TTC7B: variants seen among roughly 807,000 people sequenced by gnomAD.
TTC7B encodes tetratricopeptide repeat protein 7B.
In TTC7B, 28 loss-of-function variants were observed where a neutral mutation model predicts 106.8. The ratio of observed to expected loss-of-function variants is 0.26; its 90% CI spans 0.19 to 0.36. The LOEUF (loss-of-function observed/expected upper bound fraction) is 0.36. Among genes scored for constraint, TTC7B ranks in the 10% least tolerant of loss-of-function variants. The probability of loss-of-function intolerance (pLI) is 1.00; values close to 1 mark genes in which losing one functional copy is unlikely to be tolerated. For synonymous variants in TTC7B, 405 were observed against 430.6 expected (o/e 0.94, Z 0.74); for missense variants, 862 against 1,076.4 (o/e 0.80, Z 2.79).
intron 15 of TTC7B, among the ~76,000 whole-genome samples, chr14:90,625,042 G>C (rs73326838): frequency 6.9e-4 from 105 of 152,318 alleles, no homozygotes; most frequent in African/African-American, 2.4e-3. Flanking sequence ...GGGGGAGCTG[G>C]AGTGAGGCTG....
chr14:90,736,150 C>CTATATATATA (rs36062485), intron 4 of TTC7B, among the ~76,000 whole-genome samples: 18 of 146,620 alleles, frequency 1.2e-4, no homozygotes, highest in African/African-American at 4.5e-4. Context: ...TAATTTAGAG[C>CTATATATATA]TATATATATA....
chr14:90,666,639 A>G (rs926476854), intron 9 of TTC7B, among the ~76,000 whole-genome samples: 1 of 152,234 alleles, frequency 6.6e-6, no homozygotes, highest in African/African-American at 2.4e-5. Flanking sequence ...AGCTTGCTCA[A>G]GTTTTCTCTC....
intron 17 of TTC7B, among the ~76,000 whole-genome samples, chr14:90,601,624 CA>C (rs1247915298): frequency 6.6e-6 from 1 of 151,974 alleles, no homozygotes; most frequent in South Asian, 2.1e-4. Context: ...GATTTTTCTC[CA>C]AAAAAACAAC....
intron 19 of TTC7B, among the ~76,000 whole-genome samples, chr14:90,546,474 G>A (rs1889834728): frequency 3.9e-5 from 6 of 152,228 alleles, no homozygotes; most frequent in Admixed American, 1.3e-4. Context: ...GTCAGCCAAC[G>A]TGTTTCTGCA....
At chr14:90,631,687 T>C (rs771658205) in intron 15 of TTC7B, among the ~76,000 whole-genome samples, 1 of 152,220 alleles carries the variant, frequency 6.6e-6, no homozygotes, top group African/African-American at 2.4e-5. Flanking sequence ...ATTACAGGCA[T>C]GAGCCACCCT....
intron 7 of TTC7B, among the ~76,000 whole-genome samples, chr14:90,687,241 G>A (rs887464467): frequency 1.3e-5 from 2 of 152,152 alleles, no homozygotes; most frequent in Non-Finnish European, 2.9e-5. Flanking sequence ...AGCTGATCAC[G>A]TGTATCCATG....
intron 15 of TTC7B, among the ~76,000 whole-genome samples, chr14:90,633,084 C>T (rs1884770820): frequency 6.6e-6 from 1 of 152,174 alleles, no homozygotes; most frequent in Non-Finnish European, 1.5e-5. Context: ...GACCTCTGTG[C>T]CTCCAATCAG....
At chr14:90,593,337 T>C (rs1566787882) in intron 18 of TTC7B, 149 bp downstream of exon 18, 2 of 1,184,490 alleles carry the variant, frequency 1.7e-6, no homozygotes, top group Non-Finnish European at 2.2e-6. Context: ...AGTAACATTT[T>C]GGTGCATGGC....
At chr14:90,682,216 A>G (rs1039810009) in intron 7 of TTC7B, among the ~76,000 whole-genome samples, 4 of 152,314 alleles carry the variant, frequency 2.6e-5, no homozygotes, top group Non-Finnish European at 5.9e-5. Context: ...ACAGCAGTCA[A>G]TTCAGTCCAT....
rs1295295375 is a variant in TTC7B, at chr14:90,636,068, C to T, written c.1751+7980G>A. On this transcript the variant is annotated intron_variant, in intron 15 of 19. Transcript: ENST00000328459. The stretch of plus-strand genomic sequence containing the variant: ...CCCAGGAGGCAGAGGTTGCAGTGAG[C>T]TGAGATTGTGCCTCTGCACTACAGC... 2.0e-5 allele frequency among the ~76,000 whole-genome samples: 3 copies of T among 150,842 alleles called. No homozygotes were observed. In the East Asian group the frequency reaches 5.8e-4, roughly 29 times the overall value.
chr14:90,731,041 G>A (rs1464240338), intron 4 of TTC7B, among the ~76,000 whole-genome samples: 2 of 152,110 alleles, frequency 1.3e-5, no homozygotes, highest in Non-Finnish European at 2.9e-5. Context: ...CGCCTCCCGG[G>A]TTCACGCCAT....
At chr14:90,551,774 T>C (rs993274317) in intron 19 of TTC7B, among the ~76,000 whole-genome samples, 2 of 152,200 alleles carry the variant, frequency 1.3e-5, no homozygotes, top group African/African-American at 4.8e-5. Flanking sequence ...CGGGCGGCCC[T>C]TTCTTCTCTG....
intron 4 of TTC7B, among the ~76,000 whole-genome samples, chr14:90,738,753 G>A (rs1889641597): frequency 6.6e-6 from 1 of 152,212 alleles, no homozygotes; most frequent in Admixed American, 6.5e-5. Context: ...AAAGGAAGTT[G>A]GCGTGGAAGC....
intron 19 of TTC7B, among the ~76,000 whole-genome samples, chr14:90,553,861 C>T (rs2139775222): frequency 6.6e-6 from 1 of 152,324 alleles, no homozygotes; most frequent in Admixed American, 6.5e-5. Context: ...ACGGCTTTGA[C>T]TTTTGTCTTC....
chr14:90,563,250 C>T (rs1190812006), intron 19 of TTC7B, among the ~76,000 whole-genome samples: 1 of 152,162 alleles, frequency 6.6e-6, no homozygotes, highest in South Asian at 2.1e-4. Flanking sequence ...TCGAAGGACA[C>T]AGGCATGTCT....
chr14:90,682,845 G>A (rs572774649), intron 7 of TTC7B, among the ~76,000 whole-genome samples: 10 of 152,298 alleles, frequency 6.6e-5, no homozygotes, highest in African/African-American at 1.7e-4. Context: ...GTGCGTCCTC[G>A]TCCCAGCCAT....
chr14:90,732,899 C>CT (rs1889378641), intron 4 of TTC7B, among the ~76,000 whole-genome samples: 1 of 152,128 alleles, frequency 6.6e-6, no homozygotes, highest in African/African-American at 2.4e-5. Flanking sequence ...AGGGCCTTTT[C>CT]TAACAATCGG....
At chr14:90,679,774 A>T (rs1254371432) in intron 8 of TTC7B, among the ~76,000 whole-genome samples, 2 of 152,254 alleles carry the variant, frequency 1.3e-5, no homozygotes, top group Non-Finnish European at 2.9e-5. Context: ...CACAGCGCCT[A>T]GTGATAGATA....
intron 5 of TTC7B, among the ~76,000 whole-genome samples, chr14:90,728,830 C>G (rs555467324): frequency 2.0e-5 from 3 of 152,210 alleles, no homozygotes. Flanking sequence ...GGGCAAGGGC[C>G]GGGAGCTCCT....
Sources: gnomAD v4.1 joint callset for allele counts (sites outside exome capture counted in the v4.1 genomes callset) on GRCh38, gnomAD v4.1.1 for gene constraint, MANE v1.5 for transcripts, NCBI Gene and HGNC (gene_info 2026-07-23, HGNC 2026-07-21) for gene names.